The following PTPRZ1 variants were observed in gnomAD, a reference collection of about 807,000 sequenced individuals.
The protein encoded by PTPRZ1 is receptor-type tyrosine-protein phosphatase zeta.
PTPRZ1 carries 82 observed loss-of-function variants against 214.1 expected under a neutral mutation model. The observed-to-expected ratio is 0.38, with a 90% confidence interval of 0.32 to 0.46. The LOEUF is 0.46. Ranked by LOEUF, PTPRZ1 falls within the 20% of genes least tolerant of loss-of-function variation. The pLI is 1.00. For synonymous variants in PTPRZ1, 945 were observed against 987.9 expected, an observed-to-expected ratio of 0.96 and a Z score of 0.81; for missense variants, 2,603 against 2,748.7, an observed-to-expected ratio of 0.95 and a Z score of 1.19.
At chr7:121,956,907 C>A (rs1796722780) in intron 2 of PTPRZ1, among the ~76,000 whole-genome samples, 1 of 152,110 alleles carries the variant, frequency 6.6e-6, no homozygotes, top group South Asian at 2.1e-4. Flanking sequence ...GTGACATATG[C>A]TCCTTCCCCC....
chr7:122,056,399 C>A (rs1370835955), intron 27 of PTPRZ1, among the ~76,000 whole-genome samples: 1 of 151,688 alleles, frequency 6.6e-6, no homozygotes, highest in Non-Finnish European at 1.5e-5. Context: ...TTATGGACAA[C>A]TTGATAATCC....
rs1797696230 is a variant in PTPRZ1, at chr7:121,984,002, A to G, written c.813A>G (p.Gln271=). The G allele has an allele frequency of 3.7e-6, 6 of 1,613,498 alleles. No homozygotes were observed. Among genetic ancestry groups the G allele is most frequent in the Non-Finnish European group, 4.2e-6 (5 of 1,179,810 alleles). ...TTTGTGAAGTTCTTACAATGCAACA[A>G]TCTGGTTATGTCATGCTGATGGACT... ...AVFCEVLTMQ[Q]SGYVMLMDYL... The change falls in exon 8 of 30, where the codon CAA becomes CAG. Residue 271 remains glutamine (Q), a synonymous_variant. Coordinates refer to ENST00000393386, the MANE Select transcript of PTPRZ1 (RefSeq NM_002851.3).
chr7:121,883,692 T>C (rs111258100), intron 1 of PTPRZ1, among the ~76,000 whole-genome samples: 18,119 of 152,264 alleles, frequency 0.12, 1,461 homozygotes, highest in East Asian at 0.26. Context: ...AATGGTGCGA[T>C]CTTGGCTCAC....
At chr7:122,048,227 A>G (rs1332666290) in intron 23 of PTPRZ1, among the ~76,000 whole-genome samples, 1 of 152,124 alleles carries the variant, frequency 6.6e-6, no homozygotes, top group African/African-American at 2.4e-5. Context: ...TTAAAATTAA[A>G]TAGAAAATTA....
At chr7:122,029,072 T>A (rs1307988693) in intron 14 of PTPRZ1, among the ~76,000 whole-genome samples, 1 of 151,142 alleles carries the variant, frequency 6.6e-6, no homozygotes, top group East Asian at 1.9e-4. Flanking sequence ...CCTTTCTGAT[T>A]ACTTGAGTTT....
At chr7:121,990,512 C>CT (rs758696565) in intron 8 of PTPRZ1, among the ~76,000 whole-genome samples, 9,035 of 73,508 alleles carry the variant, frequency 0.12, 1,721 homozygotes, top group African/African-American at 0.17. Flanking sequence ...TGAAAACTGT[C>CT]TTTTTTTTTT....
chr7:122,010,690 T>C lies in PTPRZ1; in HGVS notation c.1644T>C (p.Ser548=), dbSNP rs1384937747. The part of the protein sequence containing the change: ...LNDGSKTVLR[S]PHMNLSGTAE... ...ATGGCTCTAAAACTGTTCTTAGATCTCCACATATGAACTTGTCGGGGACTG... is the reference window on the plus strand; with the variant it reads ...ATGGCTCTAAAACTGTTCTTAGATCCCCACATATGAACTTGTCGGGGACTG... The change falls in exon 12 of 30, where the codon TCT becomes TCC. Residue 548 remains serine, a synonymous_variant. Transcript: ENST00000393386. 1 of 1,613,866 alleles carries C rather than the reference T, an allele frequency of 6.2e-7. No homozygotes were observed. Among genetic ancestry groups the C allele is most frequent in the African/African-American group, 1.3e-5 (1 of 74,930 alleles).
chr7:122,007,342 C>A (rs951812785), intron 11 of PTPRZ1, among the ~76,000 whole-genome samples: 5 of 152,072 alleles, frequency 3.3e-5, no homozygotes, highest in Non-Finnish European at 5.9e-5. Flanking sequence ...GGGAGGGAAC[C>A]AGCTACCACC....
intron 8 of PTPRZ1, among the ~76,000 whole-genome samples, chr7:121,990,708 C>T (rs1028440723): frequency 1.1e-4 from 17 of 151,732 alleles, no homozygotes; most frequent in African/African-American, 3.4e-4. Flanking sequence ...TTAGCAGAGA[C>T]GGGGTTTCAC....
chr7:121,874,100 A>C (rs765203705), intron 1 of PTPRZ1, among the ~76,000 whole-genome samples: 1 of 151,474 alleles, frequency 6.6e-6, no homozygotes, highest in Non-Finnish European at 1.5e-5. Flanking sequence ...CACCAACCTG[A>C]CTTTTCAGGG....
intron 2 of PTPRZ1, among the ~76,000 whole-genome samples, chr7:121,935,540 TTTTTTTTGTTTGTTTG>T (rs1425607461): frequency 5.4e-5 from 7 of 129,212 alleles, no homozygotes; most frequent in African/African-American, 2.2e-4. Context: ...TTTTTTGGGG[TTTTTTTTGTTTGTTTG>T]TTTGTTTGTT....
chr7:121,978,933 C>A (rs1797521537), intron 6 of PTPRZ1, among the ~76,000 whole-genome samples: 2 of 152,096 alleles, frequency 1.3e-5, no homozygotes, highest in Admixed American at 1.3e-4. Flanking sequence ...AAACTGAAGG[C>A]TCCCCCATAT....
intron 8 of PTPRZ1, among the ~76,000 whole-genome samples, chr7:121,986,290 A>C (rs1797760792): frequency 6.6e-6 from 1 of 152,206 alleles, no homozygotes; most frequent in South Asian, 2.1e-4. Flanking sequence ...CCAAGTTTAC[A>C]CAACTAGAAA....
intron 2 of PTPRZ1, among the ~76,000 whole-genome samples, chr7:121,935,392 G>T (rs1219128233): frequency 6.6e-6 from 1 of 152,118 alleles, no homozygotes; most frequent in Non-Finnish European, 1.5e-5. Context: ...AGGAAACTTG[G>T]CCCCTTCTTC....
At position 122,013,626 on chromosome 7, in the gene PTPRZ1, G is replaced by C. The variant is rs770234806; in HGVS notation, c.4580G>C (p.Gly1527Ala). ...AAAGAGGAAAATGACATTCAGACTG[G>C]TAGTGCTCTGCTTCCTCTCAGCCCT... is the stretch of plus-strand genomic sequence containing the variant. Reference protein sequence around the residue: ...DGKEENDIQTGSALLPLSPES... With the variant: ...DGKEENDIQTASALLPLSPES... Residue 1527 changes from glycine (G) to alanine (A), a missense_variant, in exon 12 of 30, where the codon GGT becomes GCT. Coordinates refer to ENST00000393386, the MANE Select transcript of PTPRZ1 (RefSeq NM_002851.3). 2 of 1,614,088 alleles carry C rather than the reference G, an allele frequency of 1.2e-6. No homozygotes were observed. The highest frequency in any genetic ancestry group is 1.3e-5 in the African/African-American group (1 of 74,928).
At chr7:121,982,387 A>AT (rs1797638362) in intron 6 of PTPRZ1, among the ~76,000 whole-genome samples, 2 of 152,162 alleles carry the variant, frequency 1.3e-5, no homozygotes, top group East Asian at 3.9e-4. Context: ...TTTTATTGAG[A>AT]TTTTAGAATC....
intron 1 of PTPRZ1, among the ~76,000 whole-genome samples, chr7:121,920,341 T>C (rs1282538097): frequency 6.6e-6 from 1 of 152,190 alleles, no homozygotes; most frequent in African/African-American, 2.4e-5. Flanking sequence ...TAGCATATAA[T>C]AACATAATAC....
At chr7:122,038,391 C>G (rs1323591071) in intron 18 of PTPRZ1, among the ~76,000 whole-genome samples, 1 of 151,676 alleles carries the variant, frequency 6.6e-6, no homozygotes, top group Non-Finnish European at 1.5e-5. Flanking sequence ...AAATACATTT[C>G]AAAGCAGTGC....
chr7:122,014,605 A>C (rs566072987), intron 12 of PTPRZ1, among the ~76,000 whole-genome samples: 1 of 152,094 alleles, frequency 6.6e-6, no homozygotes, highest in Non-Finnish European at 1.5e-5. Flanking sequence ...CGCCAGGCTA[A>C]TTTTGTGTAT....
Sources: allele counts gnomAD v4.1 joint callset (sites outside exome capture counted in the v4.1 genomes callset), GRCh38; gene constraint gnomAD v4.1.1; transcripts MANE v1.5; gene names NCBI Gene and HGNC (gene_info 2026-07-23, HGNC 2026-07-21).